The following RASEF variants were observed in gnomAD, a reference collection of about 807,000 sequenced individuals.
The protein encoded by RASEF is RAS and EF-hand domain containing, also known as ras and EF-hand domain-containing protein.
RASEF carries 68 observed loss-of-function variants against 90.1 expected under a neutral mutation model. That is an observed-to-expected ratio of 0.75 (90% CI 0.62 to 0.92). The LOEUF (loss-of-function observed/expected upper bound fraction) is 0.92, where lower values mean the gene tolerates loss of function less well. RASEF is among the 40% of genes least tolerant of loss of function. The probability of loss-of-function intolerance (pLI) is 0.00; values close to 1 mark genes in which losing one functional copy is unlikely to be tolerated. For missense variants in RASEF, 949 were observed against 937.2 expected (o/e 1.01, Z -0.16); for synonymous variants, 331 against 345.2 (o/e 0.96, Z 0.46).
the RASEF span, among the ~76,000 whole-genome samples, chr9:83,099,402 A>G: frequency 6.6e-6 from 1 of 152,236 alleles, no homozygotes; most frequent in East Asian, 1.9e-4. Flanking sequence ...ATGGAAAATC[A>G]TAGGCGAGAT....
At chr9:83,071,970 C>G in the RASEF span, among the ~76,000 whole-genome samples, 1 of 152,180 alleles carries the variant, frequency 6.6e-6, no homozygotes, top group Admixed American at 6.5e-5. Flanking sequence ...ATCACTAAGG[C>G]CAACCCAGAC....
At chr9:83,192,669 C>G in the RASEF span, among the ~76,000 whole-genome samples, 18 of 150,644 alleles carry the variant, frequency 1.2e-4, no homozygotes, top group African/African-American at 4.4e-4. Context: ...ACAAGTTTAC[C>G]TGTATAACAA....
the RASEF span, among the ~76,000 whole-genome samples, chr9:83,093,032 G>A: frequency 6.6e-6 from 1 of 151,748 alleles, no homozygotes; most frequent in African/African-American, 2.4e-5. Flanking sequence ...TATATATAAA[G>A]GTTCTCCAAG....
intron 1 of RASEF, among the ~76,000 whole-genome samples, chr9:83,056,733 CTG>C (rs1394545210): frequency 6.6e-6 from 1 of 152,236 alleles, no homozygotes; most frequent in Non-Finnish European, 1.5e-5. Context: ...AGAGAAGAGT[CTG>C]TAGTTCTGGG....
chr9:83,158,972 G>A, the RASEF span, among the ~76,000 whole-genome samples: 2 of 151,682 alleles, frequency 1.3e-5, no homozygotes, highest in Non-Finnish European at 2.9e-5. Flanking sequence ...AGATCACAAG[G>A]TCAGGAGATC....
chr9:83,072,022 G>A, the RASEF span, among the ~76,000 whole-genome samples: 4 of 152,166 alleles, frequency 2.6e-5, no homozygotes, highest in African/African-American at 9.7e-5. Context: ...GATGCAGGAG[G>A]AGGAGTTAAA....
At chr9:83,216,764 A>C in the RASEF span, among the ~76,000 whole-genome samples, 1 of 152,124 alleles carries the variant, frequency 6.6e-6, no homozygotes, top group Non-Finnish European at 1.5e-5. Context: ...TTCTAGATAC[A>C]ATGGGGGTAA....
At chr9:83,029,198 A>AC (rs1355705260) in intron 1 of RASEF, among the ~76,000 whole-genome samples, 7 of 152,148 alleles carry the variant, frequency 4.6e-5, no homozygotes, top group African/African-American at 1.7e-4. Context: ...GCTGTGGGCC[A>AC]CCTGATCAAC....
the RASEF span, among the ~76,000 whole-genome samples, chr9:83,100,500 C>T: frequency 1.1e-4 from 17 of 152,200 alleles, no homozygotes; most frequent in African/African-American, 4.1e-4. Flanking sequence ...TCTAAATTCA[C>T]AGAATATTAT....
chr9:83,070,893 C>T, the RASEF span, among the ~76,000 whole-genome samples: 6 of 152,136 alleles, frequency 3.9e-5, no homozygotes, highest in Admixed American at 3.9e-4. Context: ...TTGTAGAAGA[C>T]ATAACACTTT....
chr9:83,070,739 A>T, the RASEF span, among the ~76,000 whole-genome samples: 4 of 152,170 alleles, frequency 2.6e-5, no homozygotes, highest in African/African-American at 9.6e-5. Context: ...TATCTTAATA[A>T]TATTGAATCT....
chr9:83,210,702 A>C, the RASEF span, among the ~76,000 whole-genome samples: 1 of 152,136 alleles, frequency 6.6e-6, no homozygotes, highest in Non-Finnish European at 1.5e-5. Flanking sequence ...TTGTTTCTTG[A>C]GTTATCTAAT....
At chr9:83,152,941 C>A in the RASEF span, among the ~76,000 whole-genome samples, 2 of 152,158 alleles carry the variant, frequency 1.3e-5, no homozygotes, top group Non-Finnish European at 2.9e-5. Flanking sequence ...GCACTCAGAC[C>A]AAAATAAAGC....
the RASEF span, among the ~76,000 whole-genome samples, chr9:83,167,414 G>A: frequency 3.3e-5 from 5 of 150,210 alleles, no homozygotes; most frequent in Non-Finnish European, 7.4e-5. Context: ...CTACAGGAGT[G>A]CTATAAAAGC....
the RASEF span, among the ~76,000 whole-genome samples, chr9:83,189,507 A>G: frequency 6.6e-6 from 1 of 152,172 alleles, no homozygotes; most frequent in Non-Finnish European, 1.5e-5. Context: ...ATCTCTCATA[A>G]TATCACACAG....
intron 6 of RASEF, among the ~76,000 whole-genome samples, chr9:83,009,069 T>A (rs551994047): frequency 6.6e-6 from 1 of 150,846 alleles, no homozygotes; most frequent in African/African-American, 2.4e-5. Context: ...TAATTCTGAT[T>A]AAAGTTTGCA....
the RASEF span, among the ~76,000 whole-genome samples, chr9:83,164,873 T>G: frequency 6.6e-6 from 1 of 151,822 alleles, no homozygotes; most frequent in Non-Finnish European, 1.5e-5. Context: ...TTGGACAGAG[T>G]AGATGACAGA....
At chr9:83,055,581 C>T (rs1257755469) in intron 1 of RASEF, 3 of 711,396 alleles carry the variant, frequency 4.2e-6, no homozygotes, top group Non-Finnish European at 7.8e-6. Context: ...CCTCGATTGT[C>T]CAAAGTGTTT....
the RASEF span, among the ~76,000 whole-genome samples, chr9:83,142,169 G>A: frequency 6.6e-6 from 1 of 152,034 alleles, no homozygotes; most frequent in Non-Finnish European, 1.5e-5. Context: ...ATTCATGCAG[G>A]AAAAGAAAGC....
Sources: allele counts gnomAD v4.1 joint callset (sites outside exome capture counted in the v4.1 genomes callset), GRCh38; gene constraint gnomAD v4.1.1; transcripts MANE v1.5; gene names NCBI Gene and HGNC (gene_info 2026-07-23, HGNC 2026-07-21).